ESRRG: variants seen among roughly 807,000 people sequenced by gnomAD.
ESRRG encodes estrogen related receptor gamma.
A neutral mutation model predicts 44.0 loss-of-function variants in ESRRG; 13 were observed. That is an observed-to-expected ratio of 0.30 (90% CI 0.19 to 0.47). ESRRG has a LOEUF of 0.47. ESRRG is among the 20% of genes least tolerant of loss of function. The probability of loss-of-function intolerance (pLI) is 1.00; values close to 1 mark genes in which losing one functional copy is unlikely to be tolerated. For synonymous variants in ESRRG, 215 were observed against 214.6 expected (o/e 1.00, Z -0.02); for missense variants, 395 against 580.6 (o/e 0.68, Z 3.29).
At chr1:216,901,143 A>C (rs2059021514) in intron 2 of ESRRG, among the ~76,000 whole-genome samples, 1 of 151,736 alleles carries the variant, frequency 6.6e-6, no homozygotes, top group African/African-American at 2.4e-5. Flanking sequence ...GAGAGCCAAA[A>C]ACTGCATCTG....
At chr1:216,654,029 G>A (rs1574827141) in intron 2 of ESRRG, among the ~76,000 whole-genome samples, 2 of 151,652 alleles carry the variant, frequency 1.3e-5, no homozygotes, top group East Asian at 3.9e-4. Flanking sequence ...AGGTCGAGGT[G>A]GGAGAATTGC....
At chr1:217,025,401 T>G (rs1486400413) in intron 1 of ESRRG, among the ~76,000 whole-genome samples, 38 of 152,204 alleles carry the variant, frequency 2.5e-4, no homozygotes, top group Admixed American at 2.5e-3. Context: ...TTGGCTATTT[T>G]CTGTACCTCT....
At chr1:217,125,362 A>G (rs781038394) in intron 1 of ESRRG, among the ~76,000 whole-genome samples, 1 of 152,204 alleles carries the variant, frequency 6.6e-6, no homozygotes, top group Non-Finnish European at 1.5e-5. Flanking sequence ...TTTGCAGTAC[A>G]TAATAGTACA....
chr1:216,853,234 A>G (rs544767979), intron 2 of ESRRG, among the ~76,000 whole-genome samples: 1 of 152,320 alleles, frequency 6.6e-6, no homozygotes, highest in East Asian at 1.9e-4. Flanking sequence ...GGTAGCAAAG[A>G]AAAATGACAA....
intron 2 of ESRRG, among the ~76,000 whole-genome samples, chr1:216,651,653 T>A (rs2068993095): frequency 6.6e-6 from 1 of 152,188 alleles, no homozygotes; most frequent in Non-Finnish European, 1.5e-5. Context: ...AACACAATTC[T>A]GTGCTTGGTA....
chr1:216,917,604 G>C (rs555357248), intron 2 of ESRRG, among the ~76,000 whole-genome samples: 8 of 152,240 alleles, frequency 5.3e-5, no homozygotes, highest in African/African-American at 1.9e-4. Flanking sequence ...AGAAATTTGT[G>C]AGTCCCTTCC....
intron 2 of ESRRG, among the ~76,000 whole-genome samples, chr1:216,849,200 G>A (rs2095804768): frequency 6.6e-6 from 1 of 152,084 alleles, no homozygotes; most frequent in East Asian, 1.9e-4. Context: ...GGTCTGAAAA[G>A]GAGTCAGGGT....
intron 2 of ESRRG, among the ~76,000 whole-genome samples, chr1:216,800,105 G>A (rs911369224): frequency 6.6e-6 from 1 of 152,154 alleles, no homozygotes; most frequent in South Asian, 2.1e-4. Context: ...TTGTAAATAA[G>A]CTAACATTGC....
At chr1:216,985,423 T>A (rs1056823514) in intron 1 of ESRRG, among the ~76,000 whole-genome samples, 48 of 152,310 alleles carry the variant, frequency 3.2e-4, no homozygotes, top group African/African-American at 1.2e-3. Context: ...ACAAGGTTTC[T>A]CCAAATATTT....
In ESRRG at chr1:217,018,658, C is replaced by A. The variant is rs114012775; in HGVS notation, c.-106+70849G>T. Among the ~76,000 whole-genome samples the A allele has an allele frequency of 1.7e-3, 253 of 152,238 alleles. 2 individuals carry two copies. The highest frequency in any genetic ancestry group is 2.9e-3 in the Non-Finnish European group (200 of 68,008). ...GTCAATATACAATTTCTTACCTCTG[C>A]ATTTTGCTCACACCATCCCTTCTGC... On this transcript the variant is annotated intron_variant, in intron 1 of 7. Transcript: ENST00000359162.
intron 3 of ESRRG, among the ~76,000 whole-genome samples, chr1:216,629,514 T>C (rs2063751138): frequency 6.6e-6 from 1 of 152,192 alleles, no homozygotes; most frequent in African/African-American, 2.4e-5. Flanking sequence ...AACTCCAATA[T>C]CTAAGTCACT....
chr1:216,905,166 C>T (rs2059547632), intron 2 of ESRRG, among the ~76,000 whole-genome samples: 1 of 152,206 alleles, frequency 6.6e-6, no homozygotes, highest in Admixed American at 6.5e-5. Flanking sequence ...AGCAGATACT[C>T]CGGCTGCCCA....
chr1:216,844,498 G>A (rs1204563291), intron 2 of ESRRG, among the ~76,000 whole-genome samples: 2 of 151,938 alleles, frequency 1.3e-5, no homozygotes, highest in Admixed American at 6.6e-5. Flanking sequence ...TGTCATATTC[G>A]ATTGCTCTCC....
intron 2 of ESRRG, among the ~76,000 whole-genome samples, chr1:216,851,808 A>G (rs1441392124): frequency 2.0e-5 from 3 of 152,186 alleles, no homozygotes; most frequent in Non-Finnish European, 4.4e-5. Flanking sequence ...TTTCCTGAAC[A>G]TTATAGAAAT....
rs139440911 is a variant in ESRRG, at chr1:216,975,336, C to T, written c.-105-35663G>A. Among the ~76,000 whole-genome samples, 1,074 of 152,218 alleles carry T rather than the reference C, an allele frequency of 7.1e-3. 5 individuals are homozygous for T. The highest frequency in any genetic ancestry group is 0.017 in the Middle Eastern group (5 of 294). On this transcript the variant is annotated intron_variant, in intron 1 of 7. Transcript: ENST00000359162. ...ATGATCTGGTCAGATCAAGGACAGA[C>T]ATGGAAAGGGGAAGACAAAAAGAAG... is the stretch of plus-strand genomic sequence containing the variant.
chr1:216,691,391 G>A (rs1309755303), intron 1 of ESRRG, among the ~76,000 whole-genome samples: 1 of 152,022 alleles, frequency 6.6e-6, no homozygotes, highest in African/African-American at 2.4e-5. Context: ...AGGCTACCAG[G>A]TAAGAAAACT....
At chr1:217,086,477 C>T (rs558580575) in intron 1 of ESRRG, among the ~76,000 whole-genome samples, 1 of 152,304 alleles carries the variant, frequency 6.6e-6, no homozygotes, top group East Asian at 1.9e-4. Context: ...CTACTGTACG[C>T]ATCATTTCTG....
chr1:216,712,472 A>T (rs1303347064), intron 1 of ESRRG, among the ~76,000 whole-genome samples: 2 of 152,174 alleles, frequency 1.3e-5, no homozygotes, highest in African/African-American at 4.8e-5. Flanking sequence ...AGATGAAATG[A>T]TATTTAGTGT....
At chr1:217,077,894 C>CCCACAAGTCACATCTAAATGCT (rs2091450910) in intron 1 of ESRRG, among the ~76,000 whole-genome samples, 1 of 152,100 alleles carries the variant, frequency 6.6e-6, no homozygotes, top group Admixed American at 6.6e-5. Context: ...CAGTAATTGT[C>CCCACAAGTCACATCTAAATGCT]CCACAAGTCA....
Sources: gnomAD v4.1 joint callset for allele counts (sites outside exome capture counted in the v4.1 genomes callset) on GRCh38, gnomAD v4.1.1 for gene constraint, MANE v1.5 for transcripts, NCBI Gene and HGNC (gene_info 2026-07-23, HGNC 2026-07-21) for gene names.